BPTF: variants seen among roughly 807,000 people sequenced by gnomAD.
BPTF encodes nucleosome-remodeling factor subunit BPTF.
In BPTF, 18 loss-of-function variants were observed where a neutral mutation model predicts 292.5. That is an observed-to-expected ratio of 0.06 (90% CI 0.04 to 0.09). The LOEUF (loss-of-function observed/expected upper bound fraction) is 0.09, where lower values mean the gene tolerates loss of function less well. Among genes scored for constraint, BPTF ranks in the 10% least tolerant of loss-of-function variants. BPTF has a pLI of 1.00. For synonymous variants in BPTF, 1,225 were observed against 1,251.9 expected (o/e 0.98, Z 0.45); for missense variants, 2,726 against 3,498.7 (o/e 0.78, Z 5.57).
rs764969747 is a variant in BPTF at position 67,920,168 on chromosome 17, C to A, written c.5557+25C>A. ...GGTAAGAAATAGAATTCTATTCTTT[C>A]ATGATTAACCTGTTAACCATGTATT... On this transcript the variant is annotated intron_variant, in intron 13 of 27. Transcript: ENST00000306378. 5.6e-6 allele frequency: 9 copies of A among 1,594,110 alleles called. No homozygotes were observed. The East Asian group carries it at 1.6e-4, about 28-fold the overall frequency.
rs574923663 is a variant in BPTF, at chr17:67,918,027, C to G, written c.5304-687C>G. On this transcript the variant is annotated intron_variant, in intron 11 of 27. Transcript: ENST00000306378. Reference sequence around the variant, plus strand: ...GGGGTTTCACCGTGGTCTCAATCTCCTGACCTTGTGATCTGCCCACCTCGG... The same window carrying G: ...GGGGTTTCACCGTGGTCTCAATCTCGTGACCTTGTGATCTGCCCACCTCGG... Among the ~76,000 whole-genome samples, 4 of 152,010 alleles carry G rather than the reference C, an allele frequency of 2.6e-5. No individual in the cohort carries two copies. In the South Asian group the frequency reaches 8.3e-4, roughly 32 times the overall value.
chr17:67,891,767 C>G, intron 4 of BPTF, 77 bp from the exon 5 acceptor site: 2 of 1,129,100 alleles, frequency 1.8e-6, no homozygotes, highest in Non-Finnish European at 2.4e-6. Flanking sequence ...ACACCAGATA[C>G]GAGTTTTGGT....
At chr17:67,889,746 T>C (rs1388504120) in intron 4 of BPTF, among the ~76,000 whole-genome samples, 2 of 152,056 alleles carry the variant, frequency 1.3e-5, no homozygotes, top group Non-Finnish European at 2.9e-5. Context: ...AGGCAGAGGT[T>C]GCAGTGAGCC....
chr17:67,959,499 T>G (rs1555682512), intron 23 of BPTF, 42 bp from the exon 24 acceptor site: 1 of 1,427,310 alleles, frequency 7.0e-7, no homozygotes, highest in South Asian at 1.6e-5. Context: ...CACATTTACA[T>G]GACTCTAATG....
intron 23 of BPTF, among the ~76,000 whole-genome samples, chr17:67,948,785 C>G (rs1445915006): frequency 1.3e-5 from 2 of 152,108 alleles, no homozygotes; most frequent in African/African-American, 4.8e-5. Context: ...CCCAGAAGTT[C>G]GAGACCATCC....
Position 67,881,867 on chromosome 17 carries a change from T to TG in BPTF, c.1864+6847_1864+6848insG, listed in dbSNP as rs1567970228. Among the ~76,000 whole-genome samples the TG allele has an allele frequency of 3.7e-3, 499 of 134,714 alleles. 12 individuals are homozygous for TG. Among genetic ancestry groups the TG allele is most frequent in the African/African-American group, 0.014 (463 of 33,262 alleles). The allele number at this position is 134,714 out of a possible 152,430, so 88.4% of individuals were successfully genotyped here. A position where few individuals can be genotyped will look rare whatever the true frequency, so the allele number is the denominator to read the frequency against. On this transcript the variant is annotated intron_variant, in intron 4 of 27. Transcript: ENST00000306378. ...GGGATTTTGGGTTTTTGTTTTTTTTTTTTTTTTTTTTTTTTTTGAGACAGG... is the reference window on the plus strand; with the variant it reads ...GGGATTTTGGGTTTTTGTTTTTTTTTGTTTTTTTTTTTTTTTTTGAGACAGG...
intron 4 of BPTF, among the ~76,000 whole-genome samples, chr17:67,888,589 CAAAAA>C (rs776548348): frequency 0.026 from 1,659 of 63,594 alleles, 31 homozygotes; most frequent in African/African-American, 0.077. Flanking sequence ...GACTCCGTCT[CAAAAA>C]AAAAAAAAAA....
intron 4 of BPTF, chr17:67,875,586 C>T: frequency 1.9e-6 from 3 of 1,574,382 alleles, no homozygotes; most frequent in Non-Finnish European, 2.6e-6. Context: ...AAAGGTAACT[C>T]TGTGTCAGCA....
At chr17:67,885,649 C>G (rs1164383368) in intron 4 of BPTF, among the ~76,000 whole-genome samples, 1 of 152,184 alleles carries the variant, frequency 6.6e-6, no homozygotes, top group Non-Finnish European at 1.5e-5. Context: ...GCATAGTATT[C>G]AGGCAGAAGA....
At chr17:67,828,385 C>G (rs759874124) in intron 1 of BPTF, among the ~76,000 whole-genome samples, 1 of 152,120 alleles carries the variant, frequency 6.6e-6, no homozygotes, top group Non-Finnish European at 1.5e-5. Flanking sequence ...TTTGGCAGGA[C>G]AGTTCAGCTA....
intron 4 of BPTF, chr17:67,886,352 G>GTTTTTTCTT (rs748550475): frequency 9.4e-6 from 13 of 1,382,486 alleles, no homozygotes; most frequent in Non-Finnish European, 1.2e-5. Context: ...TTAAAGGGAA[G>GTTTTTTCTT]TTTTTTCTTT....
chr17:67,927,571 A>C (rs1245018768), intron 15 of BPTF, among the ~76,000 whole-genome samples: 2 of 152,166 alleles, frequency 1.3e-5, no homozygotes, highest in African/African-American at 4.8e-5. Flanking sequence ...ATGTTTTTAT[A>C]GTTGGATAAA....
intron 18 of BPTF, among the ~76,000 whole-genome samples, chr17:67,937,102 C>T (rs2064972710): frequency 6.6e-6 from 1 of 152,052 alleles, no homozygotes; most frequent in Non-Finnish European, 1.5e-5. Context: ...ATTAATTATA[C>T]ATATATTTAA....
intron 5 of BPTF, chr17:67,893,162 T>A: frequency 1.7e-6 from 1 of 572,144 alleles, no homozygotes; most frequent in Non-Finnish European, 3.1e-6. Context: ...TATGTGTTAG[T>A]TTTCTTTCTG....
rs770887877 is a variant in BPTF at position 67,866,445 on chromosome 17, T to TC, written c.1437-13dup. On this transcript the variant is annotated intron_variant, in intron 2 of 27. Transcript: ENST00000306378. ...CATTATGTCTAACATATAAAGTATT[T>TC]CCCCCCATTTTTAAACAGAGAAGAA... 1 of 1,538,596 alleles carries TC rather than the reference T, an allele frequency of 6.5e-7. No homozygotes were observed. Among genetic ancestry groups the TC allele is most frequent in the African/African-American group, 1.4e-5 (1 of 72,960 alleles).
intron 11 of BPTF, among the ~76,000 whole-genome samples, chr17:67,915,229 C>G (rs1482958633): frequency 6.6e-6 from 1 of 152,136 alleles, no homozygotes; most frequent in Non-Finnish European, 1.5e-5. Context: ...TGCCCATCCT[C>G]CCAGGCCCTG....
chr17:67,872,777 C>T (rs1383795888), intron 3 of BPTF, among the ~76,000 whole-genome samples: 1 of 152,114 alleles, frequency 6.6e-6, no homozygotes, highest in East Asian at 1.9e-4. Flanking sequence ...ACTACATTTT[C>T]TTTTTCCAAA....
chr17:67,837,095 G>A (rs1222576414), intron 1 of BPTF, among the ~76,000 whole-genome samples: 1 of 152,134 alleles, frequency 6.6e-6, no homozygotes, highest in African/African-American at 2.4e-5. Context: ...ACATGCTCAG[G>A]TTAGGACCCT....
At chr17:67,826,582 C>CT (rs1444960152) in intron 1 of BPTF, among the ~76,000 whole-genome samples, 2 of 95,390 alleles carry the variant, frequency 2.1e-5, no homozygotes, top group East Asian at 4.0e-3. Flanking sequence ...GCTCTCTCTC[C>CT]CCCCCCCAAC....
Sources: allele counts gnomAD v4.1 joint callset (sites outside exome capture counted in the v4.1 genomes callset), GRCh38; gene constraint gnomAD v4.1.1; transcripts MANE v1.5; gene names NCBI Gene and HGNC (gene_info 2026-07-23, HGNC 2026-07-21).